TOR1AIP1: variants seen among roughly 807,000 people sequenced by gnomAD.
TOR1AIP1 encodes the protein torsin 1A interacting protein 1.
In TOR1AIP1, 54 loss-of-function variants were observed where a neutral mutation model predicts 63.3. The ratio of observed to expected loss-of-function variants is 0.85; its 90% CI spans 0.69 to 1.07. TOR1AIP1 has a LOEUF of 1.07. Ranked by LOEUF, TOR1AIP1 falls within the 50% of genes least tolerant of loss-of-function variation. The probability of loss-of-function intolerance (pLI) is 0.00; values close to 1 mark genes in which losing one functional copy is unlikely to be tolerated. For synonymous variants in TOR1AIP1, 294 were observed against 273.5 expected (o/e 1.07, Z -0.74); for missense variants, 736 against 715.0 (o/e 1.03, Z -0.33).
chr1:179,913,170 C>A (rs1558046864), intron 8 of TOR1AIP1, among the ~76,000 whole-genome samples: 1 of 150,450 alleles, frequency 6.6e-6, no homozygotes, highest in African/African-American at 2.4e-5. Flanking sequence ...CACAATGTTG[C>A]CCAGGCTGGC....
At chr1:179,898,101 C>CA (rs990568099) in intron 3 of TOR1AIP1, among the ~76,000 whole-genome samples, 103 of 139,990 alleles carry the variant, frequency 7.4e-4, no homozygotes, top group South Asian at 3.4e-3. Flanking sequence ...AACCATGTCT[C>CA]AAAAAAAAAA....
At position 179,908,811 on chromosome 1, in the gene TOR1AIP1, T is replaced by C. The variant is rs1648736080; in HGVS notation, c.907+138T>C. 4.3e-6 allele frequency: 3 copies of C among 702,830 alleles called. No homozygotes were observed. The South Asian group carries it at 5.6e-5, about 13-fold the overall frequency. The allele number at this position is 702,830 out of a possible 1,614,324, so 43.5% of individuals were successfully genotyped here. On this transcript the variant is annotated intron_variant, in intron 8 of 9. Coordinates refer to ENST00000606911, the MANE Select transcript of TOR1AIP1 (RefSeq NM_015602.4). ...TAAAGTACAGCTATGATTACTAGTT[T>C]AGTAATTTCTTGGACTGGCAGCACA... is the stretch of plus-strand genomic sequence containing the variant.
In TOR1AIP1 at chr1:179,917,572, C is replaced by T; in HGVS notation, c.1085C>T (p.Thr362Ile). 1 of 1,614,112 alleles carries T rather than the reference C, an allele frequency of 6.2e-7. No homozygotes were observed. The highest frequency in any genetic ancestry group is 8.5e-7 in the Non-Finnish European group (1 of 1,180,034). Residue 362 changes from threonine (T) to isoleucine (I), a missense_variant, in exon 10 of 10, where the codon ACC (threonine) becomes ATC (isoleucine). Transcript: ENST00000606911. ...TTCTTTAGTACTCCTGAGGTAGAAA[C>T]CACTGCTGTTCAAGAGTTCCAGAAC... ...FWFFSTPEVE[T>I]TAVQEFQNQM...
intron 3 of TOR1AIP1, among the ~76,000 whole-genome samples, chr1:179,897,837 C>A (rs1293455217): frequency 6.6e-6 from 1 of 152,208 alleles, no homozygotes; most frequent in Non-Finnish European, 1.5e-5. Context: ...GTGGCTCATA[C>A]CTGTAATGCC....
At chr1:179,895,673 G>A (rs922289894) in intron 3 of TOR1AIP1, among the ~76,000 whole-genome samples, 1 of 152,194 alleles carries the variant, frequency 6.6e-6, no homozygotes, top group Non-Finnish European at 1.5e-5. Flanking sequence ...GCCGAAGCAG[G>A]TGGATCACCT....
Position 179,884,672 on chromosome 1 carries a change from T to C in TOR1AIP1, c.476-20T>C. On this transcript the variant is annotated intron_variant, in intron 1 of 9. Transcript: ENST00000606911. The stretch of plus-strand genomic sequence containing the variant: ...GGTCATATATTCTGAATTTTAACTC[T>C]TGTTATGTCTGTTTTTTAGAGGATG... 6.3e-7 allele frequency: 1 copy of C among 1,593,150 alleles called. No homozygotes were observed. Among genetic ancestry groups the C allele is most frequent in the South Asian group, 1.1e-5 (1 of 87,700 alleles).
Position 179,919,289 on chromosome 1 carries a change from C to T in TOR1AIP1, c.*1050C>T, listed in dbSNP as rs898858294. On this transcript the variant is annotated 3_prime_UTR_variant, in exon 10 of 10. Transcript: ENST00000606911. ...TCAAAAAAAAAAAAGTAGGTCAATTCGTAACAGTTTATTTTGGACACACCC... is the reference window on the plus strand; with the variant it reads ...TCAAAAAAAAAAAAGTAGGTCAATTTGTAACAGTTTATTTTGGACACACCC... 1.3e-5 allele frequency: 2 copies of T among 151,846 alleles called. No homozygotes were observed. Among genetic ancestry groups the T allele is most frequent in the African/African-American group, 4.8e-5 (2 of 41,346 alleles). The allele number at this position is 151,846 out of a possible 1,614,324, so 9.4% of individuals were successfully genotyped here.
intron 1 of TOR1AIP1, among the ~76,000 whole-genome samples, chr1:179,883,342 A>T (rs920971518): frequency 1.3e-5 from 2 of 152,160 alleles, no homozygotes. Context: ...TACCCTGCGG[A>T]TGTTTCTACA....
At position 179,907,851 on chromosome 1, in the gene TOR1AIP1, A is replaced by G. The variant is rs760875856; in HGVS notation, c.825A>G (p.Gln275=). 5 of 1,592,092 alleles carry G rather than the reference A, an allele frequency of 3.1e-6. No homozygotes were observed. The African/African-American group carries it at 4.1e-5, about 13-fold the overall frequency. ...QSQNFTAHDK[Q]PSVLSSGYQK... ...AAAACTTCACAGCTCATGATAAGCA[A>G]CCTTCAGTGCTAAGTAAGTAGTTGG... Residue 275 remains glutamine, a synonymous_variant, in exon 7 of 10, where the codon CAA becomes CAG. Transcript: ENST00000606911.
In TOR1AIP1 at chr1:179,915,420, A is replaced by G. The variant is rs12060256; in HGVS notation, c.964+1366A>G. Among the ~76,000 whole-genome samples the G allele has an allele frequency of 4.1e-3, 629 of 152,360 alleles. 5 individuals carry two copies. Among genetic ancestry groups the G allele is most frequent in the African/African-American group, 0.014 (595 of 41,586 alleles). On this transcript the variant is annotated intron_variant, in intron 9 of 9. Coordinates refer to ENST00000606911, the MANE Select transcript of TOR1AIP1 (RefSeq NM_015602.4). ...TGACACATTAGGAATGTAATAAAAA[A>G]TATCACATTTGTTAACATCACTGCC...
chr1:179,905,312 C>T (rs557030528), intron 6 of TOR1AIP1, among the ~76,000 whole-genome samples: 13 of 152,100 alleles, frequency 8.5e-5, no homozygotes, highest in African/African-American at 2.2e-4. Context: ...GGGGGCAGTG[C>T]GGAGCTTGCC....
chr1:179,888,531 G>T (rs1403506551), intron 2 of TOR1AIP1, among the ~76,000 whole-genome samples: 1 of 152,198 alleles, frequency 6.6e-6, no homozygotes, highest in Non-Finnish European at 1.5e-5. Context: ...TACTGAGATA[G>T]ATATTTCATA....
At chr1:179,907,712 G>T (rs533085874) in intron 6 of TOR1AIP1, 111 bp from the exon 7 acceptor site, 45 of 542,830 alleles carry the variant, frequency 8.3e-5, no homozygotes, top group Non-Finnish European at 1.3e-4. Context: ...AATGTTTTTT[G>T]TCTGTTGTTT....
At chr1:179,913,182 T>C (rs934800008) in intron 8 of TOR1AIP1, among the ~76,000 whole-genome samples, 1 of 151,818 alleles carries the variant, frequency 6.6e-6, no homozygotes, top group Non-Finnish European at 1.5e-5. Context: ...CAGGCTGGCC[T>C]TAAACTCCTG....
intron 3 of TOR1AIP1, among the ~76,000 whole-genome samples, chr1:179,890,242 A>G (rs1014120776): frequency 1.3e-5 from 2 of 152,228 alleles, no homozygotes; most frequent in African/African-American, 2.4e-5. Context: ...CTATGAAGAA[A>G]ACTAGTAAAG....
intron 8 of TOR1AIP1, among the ~76,000 whole-genome samples, chr1:179,912,725 T>C (rs1345575787): frequency 6.6e-6 from 1 of 152,226 alleles, no homozygotes; most frequent in Non-Finnish European, 1.5e-5. Context: ...AAACTAGTAA[T>C]TGAAAAACAG....
At chr1:179,892,021 A>G (rs181737995) in intron 3 of TOR1AIP1, among the ~76,000 whole-genome samples, 2 of 152,348 alleles carry the variant, frequency 1.3e-5, no homozygotes, top group Non-Finnish European at 2.9e-5. Context: ...ATGAATCTAC[A>G]TTGAATGTTG....
At chr1:179,898,234 A>G (rs1306190023) in intron 3 of TOR1AIP1, among the ~76,000 whole-genome samples, 1 of 152,190 alleles carries the variant, frequency 6.6e-6, no homozygotes, top group Non-Finnish European at 1.5e-5. Flanking sequence ...AATTAGACCT[A>G]TACCCTTAGA....
intron 9 of TOR1AIP1, among the ~76,000 whole-genome samples, chr1:179,916,662 T>C (rs1331732440): frequency 6.6e-6 from 1 of 150,592 alleles, no homozygotes; most frequent in Non-Finnish European, 1.5e-5. Context: ...CTAGCTATTA[T>C]AACACGTAGA....
Sources: gnomAD v4.1 joint callset for allele counts (sites outside exome capture counted in the v4.1 genomes callset) on GRCh38, gnomAD v4.1.1 for gene constraint, MANE v1.5 for transcripts, NCBI Gene and HGNC (gene_info 2026-07-23, HGNC 2026-07-21) for gene names.